The following C3orf49 variants were observed in gnomAD, a reference collection of about 807,000 sequenced individuals.
C3orf49 encodes the protein chromosome 3 open reading frame 49.
A neutral mutation model predicts 13.3 loss-of-function variants in C3orf49; 27 were observed. The observed-to-expected ratio is 2.02, with a 90% confidence interval of 1.49 to 2.79. The LOEUF (loss-of-function observed/expected upper bound fraction) is 2.79. Ranked by LOEUF, C3orf49 falls within the 30% of genes most tolerant of loss-of-function variation. The pLI, the probability that C3orf49 is intolerant of heterozygous loss-of-function variation, is 0.00. For missense variants in C3orf49, 242 were observed against 134.2 expected (o/e 1.80, Z -3.97); for synonymous variants, 87 against 47.6 (o/e 1.83, Z -3.40).
the C3orf49 span, among the ~76,000 whole-genome samples, chr3:63,791,483 G>A: frequency 5.9e-5 from 9 of 152,132 alleles, no homozygotes; most frequent in East Asian, 3.9e-4. Flanking sequence ...TGATGCCTGC[G>A]GTGAGCAAAT....
At chr3:63,834,538 T>C (rs1701589002) in intron 5 of C3orf49, among the ~76,000 whole-genome samples, 1 of 151,824 alleles carries the variant, frequency 6.6e-6, no homozygotes, top group African/African-American at 2.4e-5. Context: ...CATGCACCTG[T>C]AATTCCAGCT....
chr3:63,832,571 A>C (rs1454457342), intron 5 of C3orf49, among the ~76,000 whole-genome samples: 1 of 152,084 alleles, frequency 6.6e-6, no homozygotes, highest in African/African-American at 2.4e-5. Context: ...CTGACATAGA[A>C]GAATTGCTTA....
rs1283748765 is a variant in C3orf49 at position 63,831,850 on chromosome 3, T to A, written c.849+6T>A. The A allele has an allele frequency of 8.6e-6, 6 of 698,736 alleles. No individual in the cohort carries two copies. In the Admixed American group the frequency reaches 1.2e-4, roughly 14 times the overall value. 43.3% of individuals were successfully genotyped at this position (698,736 alleles called of 1,614,324 possible). ...GGAAGTATAAATTAAAAAATGTGTG[T>A]TTCCCATGTACCTGCTGCTGCTTCT... is the stretch of plus-strand genomic sequence containing the variant. On this transcript the variant is annotated splice_donor_region_variant and intron_variant, in intron 5 of 6. Transcript: ENST00000295896.
At chr3:63,822,007 GCT>G (rs1701401693) in intron 1 of C3orf49, among the ~76,000 whole-genome samples, 1 of 151,408 alleles carries the variant, frequency 6.6e-6, no homozygotes, top group African/African-American at 2.4e-5. Context: ...ACAGAGTCTC[GCT>G]CTGTCGCCCA....
the C3orf49 span, among the ~76,000 whole-genome samples, chr3:63,793,359 C>T: frequency 5.3e-5 from 8 of 152,112 alleles, no homozygotes; most frequent in Admixed American, 2.0e-4. Flanking sequence ...TATCATCAAA[C>T]CCTTTCAATA....
chr3:63,839,194 A>G lies in C3orf49; in HGVS notation c.850-5829A>G, dbSNP rs1265955913. Among the ~76,000 whole-genome samples the G allele has an allele frequency of 2.0e-5, 3 of 152,276 alleles. No individual in the cohort carries two copies. The East Asian group carries it at 5.8e-4, about 29-fold the overall frequency. On this transcript the variant is annotated intron_variant, in intron 5 of 6. Transcript: ENST00000295896. ...AACAGAATGAGACTCTGTCTCACAA[A>G]AAAAAAGATTAGATATACGTGTGTG... is the stretch of plus-strand genomic sequence containing the variant.
chr3:63,781,476 C>CT, the C3orf49 span, among the ~76,000 whole-genome samples: 2 of 152,078 alleles, frequency 1.3e-5, no homozygotes, highest in African/African-American at 4.8e-5. Context: ...AATGCGGGCT[C>CT]TTTTTTGGTT....
chr3:63,809,861 T>C, the C3orf49 span, among the ~76,000 whole-genome samples: 1 of 152,132 alleles, frequency 6.6e-6, no homozygotes, highest in African/African-American at 2.4e-5. Flanking sequence ...TTAAAAGTAA[T>C]GGCAGGCCGG....
At chr3:63,786,818 A>G in the C3orf49 span, among the ~76,000 whole-genome samples, 10 of 152,186 alleles carry the variant, frequency 6.6e-5, no homozygotes, top group Admixed American at 6.5e-4. Context: ...CCAGTTTGAG[A>G]GCTGAGTGTT....
rs543262443 is a variant in C3orf49 at position 63,834,325 on chromosome 3, A to C, written c.849+2481A>C. On this transcript the variant is annotated intron_variant, in intron 5 of 6. Transcript: ENST00000295896. ...TTAAAGCTAAGATGGCTACTAGTTG[A>C]ATCAAACTTTAAAATTTATGTGATA... 1.9e-4 allele frequency: 162 copies of C among 873,450 alleles called. No homozygotes were observed. In the African/African-American group the frequency reaches 2.5e-3, roughly 13 times the overall value. The allele number at this position is 873,450 out of a possible 1,614,324, so 54.1% of individuals were successfully genotyped here.
At chr3:63,821,924 T>G (rs1479820208) in intron 1 of C3orf49, among the ~76,000 whole-genome samples, 2 of 152,104 alleles carry the variant, frequency 1.3e-5, no homozygotes, top group East Asian at 3.9e-4. Flanking sequence ...CAAGATGTCA[T>G]CATTTGGGGA....
chr3:63,831,041 T>C (rs2107107411), intron 3 of C3orf49, 69 bp from the exon 4 acceptor site: 1 of 666,672 alleles, frequency 1.5e-6, no homozygotes, highest in Non-Finnish European at 2.7e-6. Flanking sequence ...TGAGAACTCT[T>C]GTTTAAGCAC....
intron 5 of C3orf49, among the ~76,000 whole-genome samples, chr3:63,832,367 C>A (rs1701546315): frequency 6.6e-6 from 1 of 151,764 alleles, no homozygotes; most frequent in Non-Finnish European, 1.5e-5. Flanking sequence ...TTTTGAAAAA[C>A]TGGTATTTGT....
the C3orf49 span, among the ~76,000 whole-genome samples, chr3:63,790,409 A>G: frequency 6.6e-6 from 1 of 152,194 alleles, no homozygotes; most frequent in African/African-American, 2.4e-5. Flanking sequence ...TGGTTCTTTT[A>G]AGGCGATTTT....
upstream of C3orf49, among the ~76,000 whole-genome samples, chr3:63,815,319 C>G (rs143007401): frequency 6.6e-6 from 1 of 152,288 alleles, no homozygotes; most frequent in African/African-American, 2.4e-5. Context: ...TATTTAACTT[C>G]TTAAATATTG....
chr3:63,785,807 C>T, the C3orf49 span, among the ~76,000 whole-genome samples: 19 of 152,060 alleles, frequency 1.2e-4, 1 homozygote, highest in African/African-American at 4.6e-4. Flanking sequence ...CATCAACCAG[C>T]CACCATGCAA....
intron 6 of C3orf49, among the ~76,000 whole-genome samples, chr3:63,847,828 C>A (rs1025086981): frequency 6.6e-6 from 1 of 152,182 alleles, no homozygotes; most frequent in East Asian, 1.9e-4. Context: ...AACTGTAAAC[C>A]AAAAATAAAA....
chr3:63,796,333 T>C, the C3orf49 span, among the ~76,000 whole-genome samples: 1 of 152,128 alleles, frequency 6.6e-6, no homozygotes, highest in South Asian at 2.1e-4. Flanking sequence ...ATTAATATGA[T>C]TCATTCCCCT....
chr3:63,845,787 G>C (rs1192693858), intron 6 of C3orf49, among the ~76,000 whole-genome samples: 1 of 152,152 alleles, frequency 6.6e-6, no homozygotes, highest in African/African-American at 2.4e-5. Flanking sequence ...CTAAAGATCT[G>C]AGTACCCTCC....
Sources: gnomAD v4.1 joint callset for allele counts (sites outside exome capture counted in the v4.1 genomes callset) on GRCh38, gnomAD v4.1.1 for gene constraint, MANE v1.5 for transcripts, NCBI Gene and HGNC (gene_info 2026-07-23, HGNC 2026-07-21) for gene names.